The following PCDHGB1 variants were observed in gnomAD, a reference collection of about 807,000 sequenced individuals.
The protein encoded by PCDHGB1 is protocadherin gamma-B1.
PCDHGB1 carries 34 observed loss-of-function variants against 56.6 expected under a neutral mutation model. The observed-to-expected ratio is 0.60, with a 90% CI of 0.46 to 0.80. The LOEUF (loss-of-function observed/expected upper bound fraction) is 0.80, where lower values mean the gene tolerates loss of function less well. PCDHGB1 is among the 30% of genes least tolerant of loss of function. The pLI is 0.00. For synonymous variants in PCDHGB1, 561 were observed against 505.9 expected, an observed-to-expected ratio of 1.11 and a Z score of -1.46; for missense variants, 1,278 against 1,204.6, an observed-to-expected ratio of 1.06 and a Z score of -0.90.
chr5:141,409,345 A>T lies in PCDHGB1; in HGVS notation c.2409+56676A>T, dbSNP rs1012428329. 4 of 1,613,902 alleles carry T rather than the reference A, an allele frequency of 2.5e-6. No individual in the cohort carries two copies. In the African/African-American group the frequency reaches 5.3e-5, roughly 22 times the overall value. ...ATCTGGATTTCGGAGGAAATGGAGAAGTCAGGTGTAATATAGAAACAGACA... is the reference window on the plus strand; with the variant it reads ...ATCTGGATTTCGGAGGAAATGGAGATGTCAGGTGTAATATAGAAACAGACA... On this transcript the variant is annotated intron_variant, in intron 1 of 3. Transcript: ENST00000523390.
In PCDHGB1 at chr5:141,431,913, T is replaced by C; in HGVS notation, c.2410-62894T>C. The C allele has an allele frequency of 6.2e-7, 1 of 1,614,140 alleles. No individual in the cohort carries two copies. Among genetic ancestry groups the C allele is most frequent in the Admixed American group, 1.7e-5 (1 of 60,034 alleles). On this transcript the variant is annotated intron_variant, in intron 1 of 3. Transcript: ENST00000523390. This position sits in a 1 kb window ranked among gnomAD's most constrained non-coding sequence, Gnocchi z 4.8. The stretch of plus-strand genomic sequence containing the variant: ...GAGGAAAACGGACAGGTGATCTGTT[T>C]CATCCAAGGAAATCTGCCCTTTAAA...
intron 1 of PCDHGB1, among the ~76,000 whole-genome samples, chr5:141,481,065 A>AAAAG (rs1476331686): frequency 6.6e-6 from 1 of 152,164 alleles, no homozygotes; most frequent in African/African-American, 2.4e-5. Context: ...CTCAAAAACA[A>AAAAG]AAAGAAAGAA....
rs775037681 is a variant in PCDHGB1 at position 141,388,812 on chromosome 5, G to T, written c.2409+36143G>T. On this transcript the variant is annotated intron_variant, in intron 1 of 3. Transcript: ENST00000523390. Reference sequence around the variant, plus strand: ...TTTAAATACATTAGATTTTGAAGAAGTCAAAGAATATTCCATAGTTTTGGA... The same window carrying T: ...TTTAAATACATTAGATTTTGAAGAATTCAAAGAATATTCCATAGTTTTGGA... 2.1e-5 allele frequency: 34 copies of T among 1,613,816 alleles called. No homozygotes were observed. Among genetic ancestry groups the T allele is most frequent in the Non-Finnish European group, 2.8e-5 (33 of 1,179,866 alleles).
rs753954982 is a variant in PCDHGB1 at position 141,478,158 on chromosome 5, C to A, written c.2410-16649C>A. 9 of 1,613,936 alleles carry A rather than the reference C, an allele frequency of 5.6e-6. No individual in the cohort carries two copies. In the African/African-American group the frequency reaches 1.2e-4, roughly 22 times the overall value. On this transcript the variant is annotated intron_variant, in intron 1 of 3. Transcript: ENST00000523390. ...GCCCGAGCCGAGTTCCCCTCTGGCT[C>A]TGCCCCCCGGGAGCAGAAAAAAAAT...
intron 1 of PCDHGB1, among the ~76,000 whole-genome samples, chr5:141,430,013 G>T (rs2097256191): frequency 6.6e-6 from 1 of 151,922 alleles, no homozygotes; most frequent in South Asian, 2.1e-4. Context: ...TTTTCACTTG[G>T]GTTCTTGTTA....
intron 1 of PCDHGB1, chr5:141,366,577 C>A (rs376647678): frequency 1.2e-6 from 2 of 1,614,118 alleles, no homozygotes; most frequent in African/African-American, 2.7e-5. Context: ...TTCGGGCTTT[C>A]CTGCAGACCT....
chr5:141,445,137 T>C (rs933188032), intron 1 of PCDHGB1, among the ~76,000 whole-genome samples: 9 of 152,248 alleles, frequency 5.9e-5, no homozygotes, highest in Admixed American at 3.3e-4. Context: ...AAATTGTATC[T>C]TCTAATTGTT....
At chr5:141,365,104 C>T (rs775966290) in intron 1 of PCDHGB1, 1 of 1,613,874 alleles carries the variant, frequency 6.2e-7, no homozygotes, top group Non-Finnish European at 8.5e-7. Context: ...TACCTGTGGG[C>T]ACTCGGCTGC....
intron 2 of PCDHGB1, among the ~76,000 whole-genome samples, chr5:141,499,099 C>T (rs1031964059): frequency 1.3e-5 from 2 of 152,156 alleles, no homozygotes; most frequent in Non-Finnish European, 2.9e-5. Context: ...ACATGCTTCT[C>T]CTCCCCACCA....
At chr5:141,492,447 T>G (rs920078908) in intron 1 of PCDHGB1, among the ~76,000 whole-genome samples, 13 of 152,300 alleles carry the variant, frequency 8.5e-5, no homozygotes, top group Middle Eastern at 3.4e-3. Context: ...CGTAGCTGAT[T>G]GTGCGCGCCT....
intron 1 of PCDHGB1, chr5:141,420,902 A>T (rs1202945278): frequency 3.4e-6 from 1 of 293,976 alleles, no homozygotes; most frequent in Non-Finnish European, 6.3e-6. Context: ...TAAGCTCTAC[A>T]AATACGTGTG....
chr5:141,393,588 A>G, intron 1 of PCDHGB1: 1 of 1,613,924 alleles, frequency 6.2e-7, no homozygotes. Context: ...GCCCCCAGGC[A>G]CGCGGCTGCT....
intron 1 of PCDHGB1, among the ~76,000 whole-genome samples, chr5:141,448,393 A>G (rs190525499): frequency 6.6e-6 from 1 of 152,306 alleles, no homozygotes; most frequent in Admixed American, 6.5e-5. Flanking sequence ...ATACATTTAC[A>G]TGGTTTTAAA....
intron 1 of PCDHGB1, chr5:141,475,816 C>A (rs1051857446): frequency 1.5e-5 from 5 of 342,872 alleles, no homozygotes; most frequent in Admixed American, 9.0e-5. Context: ...AGTGAAGTTC[C>A]TGGCGCTAGC....
At chr5:141,459,984 A>G (rs906041823) in intron 1 of PCDHGB1, among the ~76,000 whole-genome samples, 4 of 152,216 alleles carry the variant, frequency 2.6e-5, no homozygotes, top group Non-Finnish European at 5.9e-5. Flanking sequence ...AGGCTGAGAC[A>G]GGAGAATCGC....
rs561219923 is a variant in PCDHGB1, at chr5:141,357,076, G to T, written c.2409+4407G>T. 18 of 1,613,958 alleles carry T rather than the reference G, an allele frequency of 1.1e-5. No homozygotes were observed. In the East Asian group the frequency reaches 3.6e-4, roughly 32 times the overall value. On this transcript the variant is annotated intron_variant, in intron 1 of 3. Transcript: ENST00000523390. ...TGCAGTGGGGCTGCACACAGGCGAGGTGCGCACCGCACGGGCCCTGCTGGA... is the reference window on the plus strand; with the variant it reads ...TGCAGTGGGGCTGCACACAGGCGAGTTGCGCACCGCACGGGCCCTGCTGGA...
chr5:141,363,741 C>T (rs1763049748), intron 1 of PCDHGB1, among the ~76,000 whole-genome samples: 1 of 152,096 alleles, frequency 6.6e-6, no homozygotes, highest in African/African-American at 2.4e-5. Context: ...GGTTTGTTTC[C>T]TTGGTATTCT....
rs932721053 is a variant in PCDHGB1 at position 141,398,645 on chromosome 5, C to G, written c.2409+45976C>G. 1.3e-5 allele frequency: 21 copies of G among 1,613,938 alleles called. No homozygotes were observed. In the Admixed American group the frequency reaches 3.3e-4, roughly 26 times the overall value. The stretch of plus-strand genomic sequence containing the variant: ...AACTCTCTGCAGAAGTATAAACTCT[C>G]TCTTAACCCAAGTTTCTCATTAATA... On this transcript the variant is annotated intron_variant, in intron 1 of 3. Coordinates refer to ENST00000523390, the MANE Select transcript of PCDHGB1 (RefSeq NM_018922.3).
At chr5:141,484,399 CCGCTGTGTCT>C (rs1488164183) in intron 1 of PCDHGB1, among the ~76,000 whole-genome samples, 4 of 152,186 alleles carry the variant, frequency 2.6e-5, no homozygotes, top group Non-Finnish European at 4.4e-5. Context: ...GGTTTGGTTT[CCGCTGTGTCT>C]CCTGTTACAA....
Sources: gnomAD v4.1 joint callset for allele counts (sites outside exome capture counted in the v4.1 genomes callset) on GRCh38, gnomAD v4.1.1 for gene constraint, Gnocchi (gnomAD v3.1) non-coding constraint, MANE v1.5 for transcripts, NCBI Gene and HGNC (gene_info 2026-07-23, HGNC 2026-07-21) for gene names.